The following SCN4A variants were observed in gnomAD, a reference collection of about 807,000 sequenced individuals.
SCN4A encodes the protein sodium channel protein type 4 subunit alpha.
Under a neutral mutation model 162.0 loss-of-function variants are expected in SCN4A, and 83 were observed. The ratio of observed to expected loss-of-function variants is 0.51; its 90% CI spans 0.43 to 0.61. The LOEUF is 0.61. Ranked by LOEUF, SCN4A falls within the 20% of genes least tolerant of loss-of-function variation. SCN4A has a pLI of 0.00. For missense variants in SCN4A, 2,196 were observed against 2,462.5 expected (o/e 0.89, Z 2.29); for synonymous variants, 944 against 985.1 (o/e 0.96, Z 0.78).
intron 22 of SCN4A, 73 bp downstream of exon 22, chr17:63,943,673 C>G (rs538237346): frequency 3.1e-5 from 30 of 966,860 alleles, no homozygotes; most frequent in Non-Finnish European, 4.7e-5. Context: ...AGGCAGGAAA[C>G]CTTTTACCCC....
intron 10 of SCN4A, 105 bp downstream of exon 10, chr17:63,963,566 GA>G (rs1909334499): frequency 2.4e-6 from 3 of 1,264,936 alleles, no homozygotes; most frequent in Non-Finnish European, 3.1e-6. Flanking sequence ...TGAATGGGTA[GA>G]GGGGGCACAG....
rs768831127 is a variant in SCN4A, at chr17:63,941,233, C to G, written c.5049G>C (p.Leu1683=). The G allele has an allele frequency of 1.2e-6, 2 of 1,613,778 alleles. No individual in the cohort carries two copies. Among genetic ancestry groups the G allele is most frequent in the Non-Finnish European group, 1.7e-6 (2 of 1,179,840 alleles). The change falls in exon 24 of 24, where the codon CTG becomes CTC. Residue 1683 remains leucine (L), a synonymous_variant. Transcript: ENST00000435607. This position sits in a 1 kb window ranked among gnomAD's most constrained non-coding sequence, Gnocchi z 6.2. The stretch of plus-strand genomic sequence containing the variant: ...CAGAGTCACCCAGGACCTCTTTGGT[C>G]AGGGCAAAGAGGATGTCCAGGCAGT... The part of the protein sequence containing the change: ...KIHCLDILFA[L]TKEVLGDSGE...
chr17:63,958,824 A>T (rs750467790), intron 12 of SCN4A, among the ~76,000 whole-genome samples: 21 of 152,240 alleles, frequency 1.4e-4, no homozygotes, highest in Non-Finnish European at 1.5e-5. Context: ...AAGTGTTGGG[A>T]TTACAGGCGT....
At chr17:63,971,651 T>G in intron 4 of SCN4A, 71 bp downstream of exon 4, 1 of 1,430,842 alleles carries the variant, frequency 7.0e-7, no homozygotes, top group East Asian at 2.5e-5. Context: ...CCCAGGCAGC[T>G]TCCCTCTTTA....
chr17:63,962,144 C>T (rs568981499), intron 10 of SCN4A, among the ~76,000 whole-genome samples: 8 of 152,318 alleles, frequency 5.3e-5, no homozygotes, highest in African/African-American at 1.4e-4. Flanking sequence ...GCCAGAGGCC[C>T]AGGGCTGCGA....
At chr17:63,942,641 C>T (rs564015224) in intron 23 of SCN4A, among the ~76,000 whole-genome samples, 185 bp downstream of exon 23, 2 of 152,364 alleles carry the variant, frequency 1.3e-5, no homozygotes, top group East Asian at 1.9e-4. Flanking sequence ...CATGTGTGCG[C>T]GGGTGACGAT....
chr17:63,941,191 G>C lies in SCN4A; in HGVS notation c.5091C>G (p.Leu1697=). Residue 1697 remains leucine, a synonymous_variant, in exon 24 of 24, where the codon CTC becomes CTG. Transcript: ENST00000435607. The surrounding 1 kb of genome is among the most constrained non-coding windows in gnomAD (Gnocchi z 6.2). ...VLGDSGEMDA[L]KQTMEEKFMA... Reference sequence around the variant, plus strand: ...TGAACTTCTCCTCCATGGTCTGCTTGAGGGCGTCCATTTCCCCAGAGTCAC... The same window carrying C: ...TGAACTTCTCCTCCATGGTCTGCTTCAGGGCGTCCATTTCCCCAGAGTCAC... 6.2e-7 allele frequency: 1 copy of C among 1,613,832 alleles called. No homozygotes were observed. The highest frequency in any genetic ancestry group is 2.2e-5 in the East Asian group (1 of 44,868).
chr17:63,946,478 C>CCCCCCCCCCCCCCCCCCCT (rs1908728269), intron 18 of SCN4A, among the ~76,000 whole-genome samples: 1 of 144,394 alleles, frequency 6.9e-6, no homozygotes, highest in African/African-American at 2.6e-5. Context: ...CCCCCCACCC[C>CCCCCCCCCCCCCCCCCCCT]GCCGCAACCC....
chr17:63,967,976 G>T, intron 6 of SCN4A, 47 bp downstream of exon 6: 1 of 1,482,178 alleles, frequency 6.7e-7, no homozygotes, highest in Non-Finnish European at 9.4e-7. Flanking sequence ...GGCTACCCTA[G>T]GGACTGGGAC....
At position 63,963,692 on chromosome 17, in the gene SCN4A, C is replaced by T; in HGVS notation, c.1586G>A (p.Gly529Asp). The T allele has an allele frequency of 1.3e-6, 2 of 1,591,182 alleles. No homozygotes were observed. Among genetic ancestry groups the T allele is most frequent in the Non-Finnish European group, 1.7e-6 (2 of 1,168,992 alleles). ...CTCACCTTCCATGGCGTCGGAGATG[C>T]CGCTGTCTCCGCTGCTGCTCTGCCT... ...APRQSSSGDSGISDAMEELEE... is the reference protein window; with the variant it reads ...APRQSSSGDSDISDAMEELEE... Residue 529 changes from glycine to aspartate, a missense_variant, in exon 10 of 24, where the codon GGC becomes GAC. By Grantham distance (94) the Gly-to-Asp change is moderately conservative. Transcript: ENST00000435607.
chr17:63,943,756 G>T lies in SCN4A; in HGVS notation c.4007C>A (p.Pro1336His), dbSNP rs62621169. The change falls in exon 22 of 24, where the codon CCC becomes CAC. Residue 1336 changes from proline to histidine, a missense_variant. Physicochemically the swap from Pro to His is moderately conservative, Grantham distance 77 (BLOSUM62 -2). Transcript: ENST00000435607. ...LGSKKPQKPI[P>H]RPQNKIQGMV... ...CCCAGAGGTCTGTACCTGGGGCCGG[G>T]GAATTGGCTTCTGAGGCTTCTTGGA... 6.2e-7 allele frequency: 1 copy of T among 1,608,528 alleles called. No individual in the cohort carries two copies. The highest frequency in any genetic ancestry group is 8.5e-7 in the Non-Finnish European group (1 of 1,175,068).
intron 10 of SCN4A, among the ~76,000 whole-genome samples, chr17:63,961,921 C>A (rs1272616236): frequency 6.8e-6 from 1 of 147,504 alleles, no homozygotes; most frequent in Non-Finnish European, 1.5e-5. Flanking sequence ...TCCTCATGTC[C>A]GTCCCCTCTA....
chr17:63,942,096 T>C, intron 23 of SCN4A, 103 bp from the exon 24 acceptor site: 1 of 1,166,894 alleles, frequency 8.6e-7, no homozygotes, highest in African/African-American at 1.5e-5. Context: ...TGTGCTCTGC[T>C]CAAGTCTCAG....
chr17:63,941,277 C>T lies in SCN4A; in HGVS notation c.5005G>A (p.Val1669Met). Residue 1669 changes from valine to methionine, a missense_variant, in exon 24 of 24, where the codon GTG becomes ATG. Physicochemically the swap from Val to Met is conservative, Grantham distance 21. Coordinates refer to ENST00000435607, the MANE Select transcript of SCN4A (RefSeq NM_000334.4). This position sits in a 1 kb window ranked among gnomAD's most constrained non-coding sequence, Gnocchi z 6.2. ...IKLITLDLPMVPGDKIHCLDI... is the reference protein window; with the variant it reads ...IKLITLDLPMMPGDKIHCLDI... ...AGGCAGTGGATCTTGTCCCCTGGCA[C>T]CATGGGCAAGTCCAGTGTGATGAGC... 1 of 1,613,922 alleles carries T rather than the reference C, an allele frequency of 6.2e-7. No homozygotes were observed. The highest frequency in any genetic ancestry group is 1.1e-5 in the South Asian group (1 of 91,070).
rs141293061 is a variant in SCN4A, at chr17:63,971,962, G to A, written c.483-112C>T. On this transcript the variant is annotated intron_variant, in intron 3 of 23. Coordinates refer to ENST00000435607, the MANE Select transcript of SCN4A (RefSeq NM_000334.4). Reference sequence around the variant, plus strand: ...CAGAAATGAAATATGCCACTCAGGTGGCTAAGGACACTAGCGAGTGATAGC... The same window carrying A: ...CAGAAATGAAATATGCCACTCAGGTAGCTAAGGACACTAGCGAGTGATAGC... 584 of 1,276,126 alleles carry A rather than the reference G, an allele frequency of 4.6e-4. 3 individuals carry two copies. In the African/African-American group the frequency reaches 7.5e-3, roughly 16 times the overall value. The allele number at this position is 1,276,126 out of a possible 1,614,324, so 79.1% of individuals were successfully genotyped here.
Position 63,941,008 on chromosome 17 carries a change from G to A in SCN4A, c.5274C>T (p.His1758=), listed in dbSNP as rs113418988. 1.1e-4 allele frequency: 172 copies of A among 1,613,658 alleles called. 1 individual carries two copies. In the African/African-American group the frequency reaches 1.7e-3, roughly 16 times the overall value. Residue 1758 remains histidine, a synonymous_variant, in exon 24 of 24, where the codon CAC becomes CAT. Transcript: ENST00000435607. This position sits in a 1 kb window ranked among gnomAD's most constrained non-coding sequence, Gnocchi z 6.2. Reference sequence around the variant, plus strand: ...CAGGGGCGTCATCCCCGCTGCCGTCGTGGCTGTGGCGGTACATGTAGGATG... The same window carrying A: ...CAGGGGCGTCATCCCCGCTGCCGTCATGGCTGTGGCGGTACATGTAGGATG... ...KQASYMYRHS[H]DGSGDDAPEK...
Position 63,944,758 on chromosome 17 carries a change from A to G in SCN4A, c.3827T>C (p.Val1276Ala). The change falls in exon 21 of 24, where the codon GTC (valine) becomes GCC (alanine). Residue 1276 changes from valine (V) to alanine (A), a missense_variant. Transcript: ENST00000435607. The surrounding 1 kb of genome is among the most constrained non-coding windows in gnomAD (Gnocchi z 4.3). ...GAAGGAGCCAAAGATGATGAAGATGACAAAGTAGAGGTACATGTAGAGGTT... is the reference window on the plus strand; with the variant it reads ...GAAGGAGCCAAAGATGATGAAGATGGCAAAGTAGAGGTACATGTAGAGGTT... ...EVNLYMYLYF[V>A]IFIIFGSFFT... 6.2e-7 allele frequency: 1 copy of G among 1,613,932 alleles called. No individual in the cohort carries two copies. The highest frequency in any genetic ancestry group is 1.1e-5 in the South Asian group (1 of 91,036).
In SCN4A at chr17:63,945,382, C is replaced by A; in HGVS notation, c.3698G>T (p.Gly1233Val). ...VKVNYDNVGLGYLSLLQVATF... is the reference protein window; with the variant it reads ...VKVNYDNVGLVYLSLLQVATF... Reference sequence around the variant, plus strand: ...CACCACCTGCAGGAGGGAGAGGTAGCCCAGACCCACGTTGTCGTAGTTGAC... The same window carrying A: ...CACCACCTGCAGGAGGGAGAGGTAGACCAGACCCACGTTGTCGTAGTTGAC... The change falls in exon 19 of 24, where the codon GGC becomes GTC. Residue 1233 changes from glycine (G) to valine (V), a missense_variant. Physicochemically the swap from Gly to Val is moderately radical, Grantham distance 109. Coordinates refer to ENST00000435607, the MANE Select transcript of SCN4A (RefSeq NM_000334.4). The surrounding 1 kb of genome is among the most constrained non-coding windows in gnomAD (Gnocchi z 4.4). 6.2e-7 allele frequency: 1 copy of A among 1,612,510 alleles called. No homozygotes were observed. The highest frequency in any genetic ancestry group is 1.1e-5 in the South Asian group (1 of 91,064).
chr17:63,967,106 G>T (rs567193113), intron 6 of SCN4A, among the ~76,000 whole-genome samples: 1 of 152,184 alleles, frequency 6.6e-6, no homozygotes, highest in Non-Finnish European at 1.5e-5. Flanking sequence ...GGGTGCACAG[G>T]TTAGGGAGTA....
Sources: gnomAD v4.1 joint callset for allele counts (sites outside exome capture counted in the v4.1 genomes callset) on GRCh38, gnomAD v4.1.1 for gene constraint, Gnocchi (gnomAD v3.1) non-coding constraint, MANE v1.5 for transcripts, NCBI Gene and HGNC (gene_info 2026-07-23, HGNC 2026-07-21) for gene names.